The following ASB6 variants were observed in gnomAD, a reference collection of about 807,000 sequenced individuals.
The protein encoded by ASB6 is ankyrin repeat and SOCS box protein 6.
A neutral mutation model predicts 28.6 loss-of-function variants in ASB6; 24 were observed. That is an observed-to-expected ratio of 0.84 (90% CI 0.61 to 1.18). ASB6 has a LOEUF of 1.18. ASB6 is among the 50% of genes most tolerant of loss of function. The probability of loss-of-function intolerance (pLI) is 0.00; values close to 1 mark genes in which losing one functional copy is unlikely to be tolerated. For synonymous variants in ASB6, 267 were observed against 243.4 expected (o/e 1.10, Z -0.90); for missense variants, 519 against 559.8 (o/e 0.93, Z 0.74).
rs2119004648 is a variant in ASB6 at position 129,636,952 on chromosome 9, T to A, written c.*838A>T. 1 of 152,316 alleles carries A rather than the reference T, an allele frequency of 6.6e-6. No individual in the cohort carries two copies. The highest frequency in any genetic ancestry group is 2.1e-4 in the South Asian group (1 of 4,832). The allele number at this position is 152,316 out of a possible 1,614,324, so 9.4% of individuals were successfully genotyped here. A position where few individuals can be genotyped will look rare whatever the true frequency, so the allele number is the denominator to read the frequency against. On this transcript the variant is annotated 3_prime_UTR_variant, in exon 6 of 6. Coordinates refer to ENST00000277458, the MANE Select transcript of ASB6 (RefSeq NM_017873.4). ...AAATATATCATTTAGTCACCTCAGC[T>A]TATCCCCAGAGGTGTTTACACAATT... is the stretch of plus-strand genomic sequence containing the variant.
In ASB6 at chr9:129,637,963, A is replaced by G. The variant is rs142387881; in HGVS notation, c.1093T>C (p.Leu365=). The G allele has an allele frequency of 8.7e-6, 14 of 1,600,856 alleles. No individual in the cohort carries two copies. The African/African-American group carries it at 1.9e-4, about 21-fold the overall frequency. The change falls in exon 6 of 6, where the codon TTG becomes CTG. Residue 365 remains leucine (L), a synonymous_variant. Transcript: ENST00000277458. ...AEKIQALHFS[L]RQLESYPPPL... ...GGGGGATAGCTCTCCAGCTGCCTCA[A>G]GGAGAAGTGGAGGGCCTGGATCTTT...
chr9:129,635,070 T>G lies in ASB6; in HGVS notation c.*2720A>C. Reference sequence around the variant, plus strand: ...TGGGGTTTAGTAAATCTCTCGGGACTGAGAGCCAATGAGGCCATGTGTGCA... The same window carrying G: ...TGGGGTTTAGTAAATCTCTCGGGACGGAGAGCCAATGAGGCCATGTGTGCA... On this transcript the variant is annotated 3_prime_UTR_variant, in exon 6 of 6. Transcript: ENST00000277458. The G allele has an allele frequency of 1.0e-6, 1 of 978,502 alleles. No homozygotes were observed. The highest frequency in any genetic ancestry group is 1.5e-6 in the Non-Finnish European group (1 of 659,022). The allele number at this position is 978,502 out of a possible 1,614,324, so 60.6% of individuals were successfully genotyped here. A position where few individuals can be genotyped will look rare whatever the true frequency, so the allele number is the denominator to read the frequency against.
Position 129,634,941 on chromosome 9 carries a change from G to A in ASB6, c.*2849C>T, listed in dbSNP as rs999496701. 8.3e-6 allele frequency: 4 copies of A among 482,112 alleles called. No individual in the cohort carries two copies. The highest frequency in any genetic ancestry group is 5.8e-5 in the African/African-American group (3 of 51,324). 29.9% of individuals were successfully genotyped at this position (482,112 alleles called of 1,614,324 possible). A position where few individuals can be genotyped will look rare whatever the true frequency, so the allele number is the denominator to read the frequency against. On this transcript the variant is annotated 3_prime_UTR_variant, in exon 6 of 6. Transcript: ENST00000277458. ...TGGCAGGGGTGGGGCATCATGGTGT[G>A]TAGGTATCAGGCAGGACTTGTAAGC...
Position 129,637,841 on chromosome 9 carries a change from C to T in ASB6, c.1215G>A (p.Leu405=), listed in dbSNP as rs1275588834. Residue 405 remains leucine, a synonymous_variant, in exon 6 of 6, where the codon CTG becomes CTA. Transcript: ENST00000277458. ...TGTGCTCGCTAAGGAGGTACCACTT[C>T]AGCCTGTCGGGCAGAGGCAGGGCTT... ...KVKALPLPDR[L]KWYLLSEHSG... 2.6e-6 allele frequency: 4 copies of T among 1,525,590 alleles called. No homozygotes were observed. In the South Asian group the frequency reaches 3.9e-5, roughly 15 times the overall value. The allele number at this position is 1,525,590 out of a possible 1,614,324, so 94.5% of individuals were successfully genotyped here. A position where few individuals can be genotyped will look rare whatever the true frequency, so the allele number is the denominator to read the frequency against.
In ASB6 at chr9:129,639,413, G is replaced by T; in HGVS notation, c.391C>A (p.Arg131=). ...LLVHHGADVN[R]RDRIHESSPL... is the part of the protein sequence containing the mutation. Reference sequence around the variant, plus strand: ...GACCTGGCACTTACCCGGTCCCTCCGATTAACGTCGGCCCCGTGATGCACC... The same window carrying T: ...GACCTGGCACTTACCCGGTCCCTCCTATTAACGTCGGCCCCGTGATGCACC... Residue 131 remains arginine (R), a synonymous_variant, in exon 3 of 6, where the codon CGG becomes AGG. Transcript: ENST00000277458. 6.2e-7 allele frequency: 1 copy of T among 1,611,316 alleles called. No individual in the cohort carries two copies. Among genetic ancestry groups the T allele is most frequent in the Non-Finnish European group, 8.5e-7 (1 of 1,178,016 alleles).
intron 2 of ASB6, 94 bp downstream of exon 2, chr9:129,640,447 A>G: frequency 6.8e-7 from 1 of 1,472,432 alleles, no homozygotes; most frequent in Non-Finnish European, 9.0e-7. Context: ...GTCACTCCTC[A>G]GAGGATGGTA....
rs368837136 is a variant in ASB6 at position 129,637,554 on chromosome 9, T to TG, written c.*235dup. 41 of 384,010 alleles carry TG rather than the reference T, an allele frequency of 1.1e-4. No individual in the cohort carries two copies. In the Middle Eastern group the frequency reaches 2.1e-3, roughly 19 times the overall value. 23.8% of individuals were successfully genotyped at this position (384,010 alleles called of 1,614,324 possible). A position where few individuals can be genotyped will look rare whatever the true frequency, so the allele number is the denominator to read the frequency against. On this transcript the variant is annotated 3_prime_UTR_variant, in exon 6 of 6. Transcript: ENST00000277458. ...CCAAGCCCTGTTCCTCTTTCCAACA[T>TG]GGGGGGGACTTGGAGTGCCGCTGGA...
At chr9:129,639,722 G>A (rs1295677530) in intron 2 of ASB6, among the ~76,000 whole-genome samples, 2 of 152,228 alleles carry the variant, frequency 1.3e-5, no homozygotes, top group African/African-American at 4.8e-5. Flanking sequence ...GCTGTTGGGG[G>A]CTTTAGTTTC....
At position 129,638,000 on chromosome 9, in the gene ASB6, G is replaced by A. The variant is rs1831597863; in HGVS notation, c.1056C>T (p.Gly352=). 3 of 1,612,452 alleles carry A rather than the reference G, an allele frequency of 1.9e-6. No homozygotes were observed. Among genetic ancestry groups the A allele is most frequent in the South Asian group, 2.2e-5 (2 of 90,832 alleles). The change falls in exon 6 of 6, where the codon GGC becomes GGT. Residue 352 remains glycine, a synonymous_variant. Coordinates refer to ENST00000277458, the MANE Select transcript of ASB6 (RefSeq NM_017873.4). The part of the protein sequence containing the change: ...LPENFDIHPV[G]SLAEKIQALH... Reference sequence around the variant, plus strand: ...GGGCCTGGATCTTTTCCGCCAGGCTGCCCACAGGGTGGATATCGAAGTTTT... The same window carrying A: ...GGGCCTGGATCTTTTCCGCCAGGCTACCCACAGGGTGGATATCGAAGTTTT...
In ASB6 at chr9:129,638,346, C is replaced by T. The variant is rs1305039048; in HGVS notation, c.710G>A (p.Arg237His). The T allele has an allele frequency of 3.7e-6, 6 of 1,613,052 alleles. No homozygotes were observed. The highest frequency in any genetic ancestry group is 1.1e-5 in the South Asian group (1 of 91,082). Residue 237 changes from arginine (R) to histidine (H), a missense_variant, in exon 6 of 6, where the codon CGC (arginine) becomes CAC (histidine). Transcript: ENST00000277458. ...CAGCCGTGTGACTTGGAAGCAGAAGCGGTTGATCATCTGGGCCTCCTCTTT... is the reference window on the plus strand; with the variant it reads ...CAGCCGTGTGACTTGGAAGCAGAAGTGGTTGATCATCTGGGCCTCCTCTTT... The part of the protein sequence containing the change: ...GDKEEAQMIN[R>H]FCFQVTRLLL...
chr9:129,640,335 G>A, intron 2 of ASB6: 1 of 591,346 alleles, frequency 1.7e-6, no homozygotes, highest in African/African-American at 1.9e-5. Flanking sequence ...ACTCGCTCTT[G>A]GAACAGAGGT....
Position 129,635,265 on chromosome 9 carries a change from G to GC in ASB6, c.*2524dup, listed in dbSNP as rs1564351092. ...CTGCGGCGCTGCAAGGGCAGCCTCC[G>GC]CCCCAACGGCATCATCGTCATCAAA... On this transcript the variant is annotated 3_prime_UTR_variant, in exon 6 of 6. Transcript: ENST00000277458. 17 of 1,613,258 alleles carry GC rather than the reference G, an allele frequency of 1.1e-5. No homozygotes were observed. The highest frequency in any genetic ancestry group is 1.4e-5 in the Non-Finnish European group (17 of 1,180,010).
At position 129,635,494 on chromosome 9, in the gene ASB6, C is replaced by G. The variant is rs1391223609; in HGVS notation, c.*2296G>C. ...GGGCTGGCAGGAGAAACTGAGGAAC[C>G]ACAGTCCTGGTGGGGGGAGCTGGCA... On this transcript the variant is annotated 3_prime_UTR_variant, in exon 6 of 6. Coordinates refer to ENST00000277458, the MANE Select transcript of ASB6 (RefSeq NM_017873.4). 1.3e-5 allele frequency: 21 copies of G among 1,593,548 alleles called. No homozygotes were observed. Among genetic ancestry groups the G allele is most frequent in the Non-Finnish European group, 2.6e-6 (3 of 1,167,672 alleles).
chr9:129,638,388 T>A lies in ASB6; in HGVS notation c.668A>T (p.Glu223Val). The A allele has an allele frequency of 6.2e-7, 1 of 1,613,762 alleles. No homozygotes were observed. Reference sequence around the variant, plus strand: ...CTCCTCTTTGTCCCCTCCCACGGTCTCACCAAGCAGGAAGATGATGCAGGT... The same window carrying A: ...CTCCTCTTTGTCCCCTCCCACGGTCACACCAAGCAGGAAGATGATGCAGGT... ...VFTCIIFLLG[E>V]TVGGDKEEAQ... Residue 223 changes from glutamate to valine, a missense_variant, in exon 6 of 6, where the codon GAG becomes GTG. Physicochemically the swap from Glu to Val is moderately radical, Grantham distance 121 (BLOSUM62 -2). Coordinates refer to ENST00000277458, the MANE Select transcript of ASB6 (RefSeq NM_017873.4).
chr9:129,640,048 C>T (rs1190204879), intron 2 of ASB6, among the ~76,000 whole-genome samples: 1 of 152,208 alleles, frequency 6.6e-6, no homozygotes, highest in Non-Finnish European at 1.5e-5. Context: ...GGCTGAAAAA[C>T]ACAGAGAAAG....
In ASB6 at chr9:129,640,651, G is replaced by A. The variant is rs1831674482; in HGVS notation, c.185C>T (p.Ser62Phe). The change falls in exon 2 of 6, where the codon TCT (serine) becomes TTT (phenylalanine). Residue 62 changes from serine to phenylalanine, a missense_variant. Coordinates refer to ENST00000277458, the MANE Select transcript of ASB6 (RefSeq NM_017873.4). ...LTELLERKAH[S>F]PFYQEGVSNA... Reference sequence around the variant, plus strand: ...GCTCACGCCTTCCTGGTAAAAGGGAGAGTGGGCTTTCCTCTCCAGCAGCTC... The same window carrying A: ...GCTCACGCCTTCCTGGTAAAAGGGAAAGTGGGCTTTCCTCTCCAGCAGCTC... The A allele has an allele frequency of 6.2e-7, 1 of 1,614,050 alleles. No homozygotes were observed. The highest frequency in any genetic ancestry group is 1.3e-5 in the African/African-American group (1 of 74,952).
rs898878615 is a variant in ASB6 at position 129,635,035 on chromosome 9, T to C, written c.*2755A>G. 1.4e-5 allele frequency: 10 copies of C among 724,784 alleles called. No individual in the cohort carries two copies. In the African/African-American group the frequency reaches 1.8e-4, roughly 13 times the overall value. The allele number at this position is 724,784 out of a possible 1,614,324, so 44.9% of individuals were successfully genotyped here. ...ATGACCTCTGAGCCACAGTTTCCTA[T>C]TCTATGAATTGGGGTTTAGTAAATC... On this transcript the variant is annotated 3_prime_UTR_variant, in exon 6 of 6. Coordinates refer to ENST00000277458, the MANE Select transcript of ASB6 (RefSeq NM_017873.4).
At chr9:129,640,152 C>T (rs1831660315) in intron 2 of ASB6, among the ~76,000 whole-genome samples, 1 of 152,140 alleles carries the variant, frequency 6.6e-6, no homozygotes. Context: ...TTTCCCCTCT[C>T]CCTACGGCAT....
At position 129,635,175 on chromosome 9, in the gene ASB6, GTGCCCTGGTAACCTTGCCTC is replaced by G. The variant is rs1256984752; in HGVS notation, c.*2595_*2614del. ...TCCAGTGCCGACATCCGCTTGCATG[GTGCCCTGGTAACCTTGCCTC>G]TGCCCTCCCCAGGCCACCTCACCGA... On this transcript the variant is annotated 3_prime_UTR_variant, in exon 6 of 6. Coordinates refer to ENST00000277458, the MANE Select transcript of ASB6 (RefSeq NM_017873.4). 1 of 1,590,606 alleles carries G rather than the reference GTGCCCTGGTAACCTTGCCTC, an allele frequency of 6.3e-7. No homozygotes were observed. The highest frequency in any genetic ancestry group is 8.5e-7 in the Non-Finnish European group (1 of 1,172,070).
Sources: gnomAD v4.1 joint callset for allele counts (sites outside exome capture counted in the v4.1 genomes callset) on GRCh38, gnomAD v4.1.1 for gene constraint, MANE v1.5 for transcripts, NCBI Gene and HGNC (gene_info 2026-07-23, HGNC 2026-07-21) for gene names.